PHLPP1: variants seen among roughly 807,000 people sequenced by gnomAD.
PHLPP1 encodes the protein PH domain leucine-rich repeat-containing protein phosphatase 1.
In PHLPP1, 42 loss-of-function variants were observed where a neutral mutation model predicts 117.2. That is an observed-to-expected ratio of 0.36 (90% CI 0.28 to 0.46). The LOEUF is 0.46. Among genes scored for constraint, PHLPP1 ranks in the 20% least tolerant of loss-of-function variants. The pLI, the probability that PHLPP1 is intolerant of heterozygous loss-of-function variation, is 1.00. For missense variants in PHLPP1, 2,084 were observed against 2,241.9 expected (o/e 0.93, Z 1.42); for synonymous variants, 1,042 against 970.7 (o/e 1.07, Z -1.37).
intron 1 of PHLPP1, among the ~76,000 whole-genome samples, chr18:62,829,356 CA>C (rs1393429841): frequency 6.6e-6 from 1 of 152,188 alleles, no homozygotes; most frequent in Non-Finnish European, 1.5e-5. Flanking sequence ...TTTCCTATCT[CA>C]GGCTATAATA....
chr18:62,883,200 A>G (rs2144386385), intron 4 of PHLPP1, among the ~76,000 whole-genome samples: 1 of 152,302 alleles, frequency 6.6e-6, no homozygotes, highest in East Asian at 1.9e-4. Flanking sequence ...GGATCCCATA[A>G]AGGAAGAGAT....
Position 62,978,460 on chromosome 18 carries a change from G to T in PHLPP1, c.4183G>T (p.Ala1395Ser), listed in dbSNP as rs770851475. ...AVEAVRNVPDALAAAKKLCTL... is the reference protein window; with the variant it reads ...AVEAVRNVPDSLAAAKKLCTL... ...GGAAGCCGTGCGCAACGTGCCCGAT[G>T]CCCTGGCTGCTGCCAAGAAGCTGTG... The change falls in exon 17 of 17, where the codon GCC becomes TCC. Residue 1395 changes from alanine (A) to serine (S), a missense_variant. Physicochemically the swap from Ala to Ser is moderately conservative, Grantham distance 99. This residue lies in a region of PHLPP1 where 1,365 missense variants were observed against 1,605.9 expected (regional missense o/e 0.85). Coordinates refer to ENST00000262719, the MANE Select transcript of PHLPP1 (RefSeq NM_194449.4). The surrounding 1 kb of genome is among the most constrained non-coding windows in gnomAD (Gnocchi z 7.0). 14 of 1,609,498 alleles carry T rather than the reference G, an allele frequency of 8.7e-6. No homozygotes were observed. Among genetic ancestry groups the T allele is most frequent in the Non-Finnish European group, 9.3e-6 (11 of 1,178,030 alleles).
At chr18:62,792,890 AAAG>A (rs1417667569) in intron 1 of PHLPP1, among the ~76,000 whole-genome samples, 2 of 149,830 alleles carry the variant, frequency 1.3e-5, no homozygotes, top group African/African-American at 4.9e-5. Context: ...AAAAAAAAAA[AAAG>A]GTCACGCACA....
At chr18:62,873,616 A>AG (rs1915964604) in intron 4 of PHLPP1, among the ~76,000 whole-genome samples, 1 of 152,232 alleles carries the variant, frequency 6.6e-6, no homozygotes, top group Non-Finnish European at 1.5e-5. Context: ...AGAAGGTCCT[A>AG]GCTGGTTCTA....
intron 1 of PHLPP1, among the ~76,000 whole-genome samples, chr18:62,757,958 C>T (rs955941711): frequency 1.8e-4 from 27 of 152,148 alleles, no homozygotes; most frequent in Admixed American, 1.6e-3. Context: ...GAAATATGTT[C>T]AATTAGTTTT....
At chr18:62,945,325 C>T (rs2041688515) in intron 12 of PHLPP1, 54 bp downstream of exon 12, 2 of 1,420,650 alleles carry the variant, frequency 1.4e-6, no homozygotes, top group Non-Finnish European at 1.9e-6. Flanking sequence ...AGAAAGTTGA[C>T]TTCCTAACTC....
intron 1 of PHLPP1, among the ~76,000 whole-genome samples, chr18:62,727,337 T>C (rs1911102849): frequency 6.6e-6 from 1 of 151,650 alleles, no homozygotes; most frequent in African/African-American, 2.4e-5. Context: ...TTGGCAGGTA[T>C]GTGGCACATG....
At chr18:62,964,516 C>G (rs1910853130) in intron 14 of PHLPP1, among the ~76,000 whole-genome samples, 1 of 152,206 alleles carries the variant, frequency 6.6e-6, no homozygotes, top group African/African-American at 2.4e-5. Context: ...TCCCCTTTCC[C>G]TAAGGTGTCA....
chr18:62,881,129 A>G (rs79144912), intron 4 of PHLPP1, among the ~76,000 whole-genome samples: 5,144 of 152,304 alleles, frequency 0.034, 156 homozygotes, highest in South Asian at 0.064. Flanking sequence ...TAGTAGTCCC[A>G]TGTACTGTGG....
At chr18:62,953,288 C>A (rs1008375606) in intron 12 of PHLPP1, among the ~76,000 whole-genome samples, 1 of 152,224 alleles carries the variant, frequency 6.6e-6, no homozygotes, top group African/African-American at 2.4e-5. Flanking sequence ...CCAGCCTTAT[C>A]TTCTGCTCTG....
At position 62,895,237 on chromosome 18, in the gene PHLPP1, G is replaced by A. The variant is rs1030320690; in HGVS notation, c.2213+80G>A. 8 of 1,408,002 alleles carry A rather than the reference G, an allele frequency of 5.7e-6. No homozygotes were observed. The African/African-American group carries it at 8.5e-5, about 15-fold the overall frequency. 87.2% of individuals were successfully genotyped at this position (1,408,002 alleles called of 1,614,324 possible). A position where few individuals can be genotyped will look rare whatever the true frequency, so the allele number is the denominator to read the frequency against. On this transcript the variant is annotated intron_variant, in intron 5 of 16. Transcript: ENST00000262719. ...ATTGGGGGTGTGGCACATGAGATTAGTTAACTTGTTATGTTGCTCATGTAA... is the reference window on the plus strand; with the variant it reads ...ATTGGGGGTGTGGCACATGAGATTAATTAACTTGTTATGTTGCTCATGTAA...
chr18:62,777,682 A>G (rs1657670256), intron 1 of PHLPP1, among the ~76,000 whole-genome samples: 2 of 152,048 alleles, frequency 1.3e-5, no homozygotes, highest in South Asian at 4.1e-4. Context: ...TCCATTTTTG[A>G]CTTTACCTTT....
chr18:62,945,323 G>T lies in PHLPP1; in HGVS notation c.3324+52G>T, dbSNP rs376897865. On this transcript the variant is annotated intron_variant, in intron 12 of 16. Transcript: ENST00000262719. ...AAGCTTCAGGTCGGCAAAGAAAGTT[G>T]ACTTCCTAACTCATCAACTCAGGAC... 7 of 1,465,948 alleles carry T rather than the reference G, an allele frequency of 4.8e-6. No individual in the cohort carries two copies. In the South Asian group the frequency reaches 8.0e-5, roughly 17 times the overall value. 90.8% of individuals were successfully genotyped at this position (1,465,948 alleles called of 1,614,324 possible).
chr18:62,889,588 G>A (rs1407202980), intron 4 of PHLPP1: 2 of 152,338 alleles, frequency 1.3e-5, no homozygotes, highest in African/African-American at 2.4e-5. Context: ...CACCGTACCA[G>A]GGGTGTGGAC....
intron 3 of PHLPP1, among the ~76,000 whole-genome samples, chr18:62,840,512 C>G (rs532868712): frequency 6.6e-6 from 1 of 152,184 alleles, no homozygotes. Context: ...TACCATTGGG[C>G]TTTTATATTT....
At chr18:62,852,545 G>T (rs1183098281) in intron 3 of PHLPP1, among the ~76,000 whole-genome samples, 1 of 152,020 alleles carries the variant, frequency 6.6e-6, no homozygotes, top group Non-Finnish European at 1.5e-5. Flanking sequence ...GGGTTTCACT[G>T]TGTTAGCCAG....
At chr18:62,936,537 T>C (rs563158495) in intron 10 of PHLPP1, among the ~76,000 whole-genome samples, 1 of 152,346 alleles carries the variant, frequency 6.6e-6, no homozygotes, top group Admixed American at 6.5e-5. Flanking sequence ...ATTATTACTT[T>C]GCAGTGGAGA....
chr18:62,855,808 T>C (rs1205345991), intron 3 of PHLPP1, among the ~76,000 whole-genome samples: 1 of 152,196 alleles, frequency 6.6e-6, no homozygotes, highest in Non-Finnish European at 1.5e-5. Context: ...ATGGAATTTG[T>C]CTTCTTCAAA....
chr18:62,751,076 T>C (rs1176054373), intron 1 of PHLPP1, among the ~76,000 whole-genome samples: 2 of 152,218 alleles, frequency 1.3e-5, no homozygotes, highest in Admixed American at 6.5e-5. Context: ...TTTGATTTTT[T>C]CGGTACTGCA....
Sources: gnomAD v4.1 joint callset for allele counts (sites outside exome capture counted in the v4.1 genomes callset) on GRCh38, gnomAD v4.1.1 for gene constraint, gnomAD v4.1.1 regional missense constraint, Gnocchi (gnomAD v3.1) non-coding constraint, MANE v1.5 for transcripts, NCBI Gene and HGNC (gene_info 2026-07-23, HGNC 2026-07-21) for gene names.